CAB39L: variants seen among roughly 807,000 people sequenced by gnomAD.
CAB39L encodes calcium binding protein 39 like, also known as calcium-binding protein 39-like.
A neutral mutation model predicts 39.1 loss-of-function variants in CAB39L; 23 were observed. The ratio of observed to expected loss-of-function variants is 0.59; its 90% confidence interval spans 0.42 to 0.83. CAB39L has a LOEUF of 0.83. Among genes scored for constraint, CAB39L ranks in the 40% least tolerant of loss-of-function variants. The pLI is 0.00. For missense variants in CAB39L, 366 were observed against 391.9 expected (o/e 0.93, Z 0.56); for synonymous variants, 126 against 137.2 (o/e 0.92, Z 0.57).
chr13:49,397,832 C>T (rs992490196), intron 3 of CAB39L, among the ~76,000 whole-genome samples: 1 of 152,038 alleles, frequency 6.6e-6, no homozygotes, highest in Non-Finnish European at 1.5e-5. Flanking sequence ...AGCATTAGAT[C>T]TTACTGAAAT....
chr13:49,368,635 A>G (rs1018689309), intron 5 of CAB39L, among the ~76,000 whole-genome samples: 4 of 152,252 alleles, frequency 2.6e-5, no homozygotes, highest in Non-Finnish European at 4.4e-5. Context: ...TGGCAATTCT[A>G]AGGTTACATA....
chr13:49,339,212 C>T (rs1175153972), intron 9 of CAB39L, among the ~76,000 whole-genome samples: 38 of 149,138 alleles, frequency 2.5e-4, no homozygotes, highest in Admixed American at 2.3e-3. Flanking sequence ...CTCACTGCAA[C>T]CTCCACCTCC....
At chr13:49,392,314 T>C (rs1956505049) in intron 3 of CAB39L, among the ~76,000 whole-genome samples, 1 of 152,078 alleles carries the variant, frequency 6.6e-6, no homozygotes, top group Admixed American at 6.6e-5. Flanking sequence ...GACCTTAATA[T>C]GCTCTAGGTA....
intron 10 of CAB39L, among the ~76,000 whole-genome samples, chr13:49,323,338 T>C (rs995249568): frequency 6.6e-6 from 1 of 152,254 alleles, no homozygotes; most frequent in African/African-American, 2.4e-5. Context: ...GTGCCATCAC[T>C]TTCTCAATGA....
chr13:49,350,098 A>C (rs922585264), intron 7 of CAB39L, among the ~76,000 whole-genome samples: 3 of 152,176 alleles, frequency 2.0e-5, no homozygotes, highest in Non-Finnish European at 2.9e-5. Context: ...GAATTTTTCA[A>C]AATAAAAAAG....
chr13:49,321,862 A>G (rs1203030318), intron 10 of CAB39L, among the ~76,000 whole-genome samples: 1 of 152,194 alleles, frequency 6.6e-6, no homozygotes, highest in Non-Finnish European at 1.5e-5. Context: ...ACACTTCCTT[A>G]GAGTAACAGA....
intron 3 of CAB39L, among the ~76,000 whole-genome samples, chr13:49,411,982 A>G (rs2181328): frequency 0.62 from 93,820 of 151,850 alleles, 30,073 homozygotes; most frequent in Middle Eastern, 0.82. Flanking sequence ...TGCCTAGCCC[A>G]CTGCCACTGG....
At chr13:49,400,471 C>T (rs1411655197) in intron 3 of CAB39L, among the ~76,000 whole-genome samples, 2 of 146,552 alleles carry the variant, frequency 1.4e-5, no homozygotes, top group African/African-American at 5.1e-5. Flanking sequence ...CACACACACA[C>T]ACACACATGG....
At chr13:49,313,476 G>A (rs1428685635) in intron 10 of CAB39L, among the ~76,000 whole-genome samples, 2 of 143,160 alleles carry the variant, frequency 1.4e-5, no homozygotes, top group African/African-American at 2.7e-5. Flanking sequence ...GTGAGACTCC[G>A]TCTCAAAAAA....
chr13:49,440,054 T>A (rs1182777866), intron 1 of CAB39L, among the ~76,000 whole-genome samples: 1 of 151,914 alleles, frequency 6.6e-6, no homozygotes, highest in Non-Finnish European at 1.5e-5. Context: ...GTTAATAGTT[T>A]CTCTTACTGT....
chr13:49,405,692 T>TGAAA (rs150254551), intron 3 of CAB39L, among the ~76,000 whole-genome samples: 27,325 of 97,152 alleles, frequency 0.28, 3,732 homozygotes, highest in Middle Eastern at 0.45. Context: ...AAGACCCTGC[T>TGAAA]GAAAGAAAGA....
intron 3 of CAB39L, among the ~76,000 whole-genome samples, chr13:49,414,605 TAAA>T: frequency 6.6e-6 from 1 of 152,210 alleles, no homozygotes; most frequent in East Asian, 1.9e-4. Context: ...ATATGTTAAA[TAAA>T]AATCAAGAAA....
intron 5 of CAB39L, among the ~76,000 whole-genome samples, chr13:49,367,993 C>T (rs1955815055): frequency 6.6e-6 from 1 of 151,482 alleles, no homozygotes; most frequent in Non-Finnish European, 1.5e-5. Context: ...ACTATATTTG[C>T]TGTATAAAAA....
chr13:49,404,703 G>T (rs1956836679), intron 3 of CAB39L, among the ~76,000 whole-genome samples: 1 of 152,136 alleles, frequency 6.6e-6, no homozygotes. Flanking sequence ...AAGGAATTCA[G>T]AATCTTATCA....
chr13:49,337,732 GCACACACACACACACACA>G (rs57089737), intron 9 of CAB39L, among the ~76,000 whole-genome samples: 10 of 144,210 alleles, frequency 6.9e-5, no homozygotes, highest in African/African-American at 2.3e-4. Context: ...CTGCTCTGGC[GCACACACACACACACACA>G]CACACACACA....
chr13:49,360,324 C>T (rs761752570), intron 5 of CAB39L, among the ~76,000 whole-genome samples: 5 of 151,826 alleles, frequency 3.3e-5, no homozygotes, highest in Admixed American at 6.6e-5. Context: ...ATTCACTGTT[C>T]TTCACCCTAG....
intron 10 of CAB39L, among the ~76,000 whole-genome samples, chr13:49,319,193 G>A (rs1441572049): frequency 2.6e-5 from 4 of 152,048 alleles, no homozygotes; most frequent in Middle Eastern, 3.2e-3. Flanking sequence ...GCAGTGAGCC[G>A]AGATCGTGCC....
At chr13:49,415,268 G>A (rs1292706247) in intron 3 of CAB39L, among the ~76,000 whole-genome samples, 1 of 151,450 alleles carries the variant, frequency 6.6e-6, no homozygotes, top group Admixed American at 6.6e-5. Flanking sequence ...TGTAATCCCA[G>A]CACTTTGGGA....
At chr13:49,423,770 C>T (rs942575075) in intron 3 of CAB39L, among the ~76,000 whole-genome samples, 4 of 152,116 alleles carry the variant, frequency 2.6e-5, no homozygotes, top group Non-Finnish European at 5.9e-5. Context: ...ACATGGAGAA[C>T]ACAAACATAA....
Sources: gnomAD v4.1 joint callset for allele counts (sites outside exome capture counted in the v4.1 genomes callset) on GRCh38, gnomAD v4.1.1 for gene constraint, MANE v1.5 for transcripts, NCBI Gene and HGNC (gene_info 2026-07-23, HGNC 2026-07-21) for gene names.